DAB1: variants seen among roughly 807,000 people sequenced by gnomAD.
The protein encoded by DAB1 is DAB adaptor protein 1.
In DAB1, 15 loss-of-function variants were observed where a neutral mutation model predicts 64.6. The ratio of observed to expected loss-of-function variants is 0.23; its 90% confidence interval spans 0.16 to 0.36. The LOEUF (loss-of-function observed/expected upper bound fraction) is 0.36, where lower values mean the gene tolerates loss of function less well. DAB1 is among the 10% of genes least tolerant of loss of function. The probability of loss-of-function intolerance (pLI) is 1.00; values close to 1 mark genes in which losing one functional copy is unlikely to be tolerated. For synonymous variants in DAB1, 235 were observed against 251.9 expected (o/e 0.93, Z 0.64); for missense variants, 596 against 706.7 (o/e 0.84, Z 1.78).
chr1:57,718,010 T>C (rs1185752605), intron 6 of DAB1, among the ~76,000 whole-genome samples: 1 of 152,138 alleles, frequency 6.6e-6, no homozygotes, highest in African/African-American at 2.4e-5. Context: ...TACAGATAGA[T>C]AGGAAGAACA....
chr1:57,205,046 T>C (rs1226925522), intron 2 of DAB1, among the ~76,000 whole-genome samples: 1 of 152,062 alleles, frequency 6.6e-6, no homozygotes. Context: ...CATTTGAGAG[T>C]GTTAATGGAA....
At chr1:58,204,179 T>C (rs1027022219) in intron 4 of DAB1, among the ~76,000 whole-genome samples, 11 of 151,982 alleles carry the variant, frequency 7.2e-5, no homozygotes, top group Admixed American at 7.2e-4. Flanking sequence ...TGAAACCGAG[T>C]CATGAGAGAA....
chr1:57,832,269 A>G (rs1473733462), intron 1 of DAB1, among the ~76,000 whole-genome samples: 1 of 152,150 alleles, frequency 6.6e-6, no homozygotes, highest in Non-Finnish European at 1.5e-5. Context: ...GAAGAATAAG[A>G]CTTTTGGAGA....
intron 11 of DAB1, among the ~76,000 whole-genome samples, chr1:57,017,309 C>T (rs145335824): frequency 1.4e-4 from 22 of 152,128 alleles, no homozygotes; most frequent in South Asian, 6.2e-4. Context: ...AGGAATGTAC[C>T]GAGGCAGTGT....
chr1:57,608,257 T>C lies in DAB1; in HGVS notation n.625+41335A>G, dbSNP rs529360989. Among the ~76,000 whole-genome samples the C allele has an allele frequency of 1.3e-3, 191 of 152,250 alleles. 1 individual carries two copies. Among genetic ancestry groups the C allele is most frequent in the African/African-American group, 4.5e-3 (189 of 41,550 alleles). On this transcript the variant is annotated intron_variant and non_coding_transcript_variant, in intron 7 of 20. Coordinates refer to the DAB1 transcript ENST00000485760. ...CACACAGACACACACATACACAATG[T>C]AACCTCTCTGGGTAAGTGTCTTCAG... is the stretch of plus-strand genomic sequence containing the variant.
chr1:57,198,689 A>ACACCCC (rs1228335383), intron 2 of DAB1, among the ~76,000 whole-genome samples: 13 of 148,240 alleles, frequency 8.8e-5, no homozygotes, highest in African/African-American at 3.0e-4. Context: ...ACACACACAC[A>ACACCCC]CCCATCAACT....
chr1:57,393,435 G>A (rs1315025798), intron 1 of DAB1, among the ~76,000 whole-genome samples: 3 of 152,118 alleles, frequency 2.0e-5, no homozygotes, highest in Non-Finnish European at 4.4e-5. Flanking sequence ...ACTCATGCCT[G>A]TAATCGTAGC....
intron 5 of DAB1, among the ~76,000 whole-genome samples, chr1:58,071,363 G>GGTGTGTGT (rs548977353): frequency 0.12 from 16,882 of 135,482 alleles, 1,078 homozygotes; most frequent in East Asian, 0.22. Context: ...AAAGGAGAAT[G>GGTGTGTGT]GTGTGTGTGT....
intron 7 of DAB1, among the ~76,000 whole-genome samples, chr1:57,530,750 G>C (rs1372586199): frequency 6.6e-6 from 1 of 152,178 alleles, no homozygotes; most frequent in Non-Finnish European, 1.5e-5. Flanking sequence ...TGTTCATTAA[G>C]AGAGCCTGGC....
intron 7 of DAB1, among the ~76,000 whole-genome samples, chr1:57,436,701 A>C (rs1279290075): frequency 2.0e-5 from 3 of 152,190 alleles, no homozygotes; most frequent in African/African-American, 7.2e-5. Flanking sequence ...GACATTGTCC[A>C]TTGATGAAGT....
chr1:57,211,258 G>A (rs1264198673), intron 2 of DAB1, among the ~76,000 whole-genome samples: 1 of 152,154 alleles, frequency 6.6e-6, no homozygotes, highest in East Asian at 1.9e-4. Flanking sequence ...GGAGGAAACA[G>A]CTGTAGCCTC....
At chr1:57,572,158 A>G (rs1645200557) in intron 7 of DAB1, among the ~76,000 whole-genome samples, 1 of 152,166 alleles carries the variant, frequency 6.6e-6, no homozygotes, top group Admixed American at 6.5e-5. Context: ...TGGAAGTCAA[A>G]AAGCTTCAGG....
At chr1:58,006,177 G>C (rs1383254154) in intron 5 of DAB1, among the ~76,000 whole-genome samples, 1 of 152,156 alleles carries the variant, frequency 6.6e-6, no homozygotes, top group Non-Finnish European at 1.5e-5. Flanking sequence ...TCCAGAGGTA[G>C]TCAATGAATA....
intron 4 of DAB1, among the ~76,000 whole-genome samples, chr1:58,334,172 C>A (rs1414886111): frequency 1.3e-5 from 2 of 152,118 alleles, no homozygotes; most frequent in Non-Finnish European, 2.9e-5. Context: ...TTGTCATATC[C>A]AATCAGGAGT....
At chr1:57,676,954 A>G (rs1646574355) in intron 6 of DAB1, among the ~76,000 whole-genome samples, 1 of 152,148 alleles carries the variant, frequency 6.6e-6, no homozygotes, top group African/African-American at 2.4e-5. Context: ...CTCCTCCCAA[A>G]TTCATGTATT....
intron 1 of DAB1, chr1:58,541,411 G>A (rs1158870294): frequency 3.4e-5 from 5 of 146,070 alleles, no homozygotes; most frequent in African/African-American, 1.3e-4. Flanking sequence ...CTAATCCATA[G>A]TGACAGAGAG....
chr1:58,544,912 AT>A (rs1384324649), intron 1 of DAB1, among the ~76,000 whole-genome samples: 2 of 151,694 alleles, frequency 1.3e-5, no homozygotes, highest in African/African-American at 4.8e-5. Flanking sequence ...TAATTTTTTA[AT>A]TTTTTTCTGT....
intron 3 of DAB1, among the ~76,000 whole-genome samples, chr1:58,505,325 C>T (rs7536867): frequency 0.18 from 27,089 of 152,112 alleles, 2,550 homozygotes; most frequent in Middle Eastern, 0.23. Context: ...AAAAATGTTC[C>T]GCTTTCATAA....
chr1:58,029,899 A>T (rs904800141), intron 5 of DAB1, among the ~76,000 whole-genome samples: 4 of 152,270 alleles, frequency 2.6e-5, no homozygotes, highest in African/African-American at 9.6e-5. Context: ...AAATAAATAA[A>T]CACAGGATAC....
Sources: allele counts gnomAD v4.1 joint callset (sites outside exome capture counted in the v4.1 genomes callset), GRCh38; gene constraint gnomAD v4.1.1; transcripts MANE v1.5; gene names NCBI Gene and HGNC (gene_info 2026-07-23, HGNC 2026-07-21).